Variants in TCP1 observed in about 807,000 individuals in gnomAD.
The protein encoded by TCP1 is t-complex 1.
A neutral mutation model predicts 54.7 loss-of-function variants in TCP1; 6 were observed. That is an observed-to-expected ratio of 0.11 (90% CI 0.06 to 0.22). The LOEUF (loss-of-function observed/expected upper bound fraction) is 0.22, where lower values mean the gene tolerates loss of function less well. Ranked by LOEUF, TCP1 falls within the 10% of genes least tolerant of loss-of-function variation. TCP1 has a pLI of 1.00. For synonymous variants in TCP1, 225 were observed against 229.7 expected (o/e 0.98, Z 0.19); for missense variants, 511 against 678.2 (o/e 0.75, Z 2.74).
Position 159,778,992 on chromosome 6 carries a change from C to T in TCP1, c.*53G>A. Reference sequence around the variant, plus strand: ...TTACTTTAATGTGTAATACTCAACTCAAGGTACAAGACAATTGCATTTAAC... The same window carrying T: ...TTACTTTAATGTGTAATACTCAACTTAAGGTACAAGACAATTGCATTTAAC... On this transcript the variant is annotated 3_prime_UTR_variant, in exon 12 of 12. Coordinates refer to ENST00000321394, the MANE Select transcript of TCP1 (RefSeq NM_030752.3). The T allele has an allele frequency of 6.3e-7, 1 of 1,580,366 alleles. No individual in the cohort carries two copies. Among genetic ancestry groups the T allele is most frequent in the Admixed American group, 1.7e-5 (1 of 58,072 alleles).
In TCP1 at chr6:159,778,737, C is replaced by A. The variant is rs1443446432; in HGVS notation, c.*308G>T. On this transcript the variant is annotated 3_prime_UTR_variant, in exon 12 of 12. Coordinates refer to ENST00000321394, the MANE Select transcript of TCP1 (RefSeq NM_030752.3). ...CTGTCGAATTCTTGTGACCCTGTTACACACACTGGAGAGAATGGGCAGAAG... is the reference window on the plus strand; with the variant it reads ...CTGTCGAATTCTTGTGACCCTGTTAAACACACTGGAGAGAATGGGCAGAAG... 2.5e-6 allele frequency: 4 copies of A among 1,614,230 alleles called. No homozygotes were observed. The highest frequency in any genetic ancestry group is 3.4e-6 in the Non-Finnish European group (4 of 1,180,038).
At chr6:159,783,835 C>T (rs1780631654) in intron 7 of TCP1, 106 bp downstream of exon 7, 2 of 1,441,352 alleles carry the variant, frequency 1.4e-6, no homozygotes, top group Non-Finnish European at 1.8e-6. Context: ...CTAAAAACAC[C>T]ACCAGGCTAA....
intron 1 of TCP1, 93 bp from the exon 2 acceptor site, chr6:159,788,236 C>T (rs1283826085): frequency 4.3e-6 from 5 of 1,169,502 alleles, no homozygotes; most frequent in African/African-American, 1.5e-5. Flanking sequence ...TGACATCCAA[C>T]AGCCCCCGTA....
Position 159,787,473 on chromosome 6 carries a change from G to A in TCP1, c.279+270C>T, listed in dbSNP as rs564622982. Among the ~76,000 whole-genome samples, 19 of 152,294 alleles carry A rather than the reference G, an allele frequency of 1.2e-4. 1 individual carries two copies. The South Asian group carries it at 3.7e-3, about 30-fold the overall frequency. ...CCAACATTTAAAACAATGGGGCTAT[G>A]TCAAATGAACTCAAATTCTTTCCTA... On this transcript the variant is annotated intron_variant, in intron 3 of 11. Coordinates refer to ENST00000321394, the MANE Select transcript of TCP1 (RefSeq NM_030752.3).
chr6:159,785,160 ACTG>A (rs528703752), intron 5 of TCP1: 138 of 604,004 alleles, frequency 2.3e-4, no homozygotes, highest in Admixed American at 3.1e-4. Context: ...CAAAATTGAT[ACTG>A]CTGCTACTAC....
intron 3 of TCP1, among the ~76,000 whole-genome samples, 180 bp downstream of exon 3, chr6:159,787,563 G>A (rs528635300): frequency 1.4e-3 from 208 of 151,934 alleles, no homozygotes; most frequent in Admixed American, 2.4e-3. Flanking sequence ...CTGTACCTAA[G>A]AAGCTTATTT....
intron 3 of TCP1, among the ~76,000 whole-genome samples, chr6:159,787,452 C>G (rs1479936688): frequency 6.6e-6 from 1 of 152,130 alleles, no homozygotes; most frequent in Non-Finnish European, 1.5e-5. Context: ...TGAATACCAA[C>G]ATTTAAAACA....
At chr6:159,787,983 C>T in intron 2 of TCP1, 75 bp downstream of exon 2, 1 of 1,607,032 alleles carries the variant, frequency 6.2e-7, no homozygotes. Context: ...CTGATAAAGT[C>T]AAAGAAAGAA....
Position 159,778,685 on chromosome 6 carries a change from C to G in TCP1, c.*360G>C, listed in dbSNP as rs1447455087. ...TCAATATTGAAGGAGGGGCTATAGC[C>G]TTGGGCCACCCTCTTGGAGCATCTG... On this transcript the variant is annotated 3_prime_UTR_variant, in exon 12 of 12. Coordinates refer to ENST00000321394, the MANE Select transcript of TCP1 (RefSeq NM_030752.3). 1 of 1,614,058 alleles carries G rather than the reference C, an allele frequency of 6.2e-7. No homozygotes were observed. The highest frequency in any genetic ancestry group is 1.3e-5 in the African/African-American group (1 of 74,924).
intron 7 of TCP1, among the ~76,000 whole-genome samples, chr6:159,783,114 A>G (rs1780614199): frequency 2.0e-5 from 3 of 152,238 alleles, no homozygotes; most frequent in African/African-American, 4.8e-5. Flanking sequence ...TTGAAGGACA[A>G]AAGAGCCACA....
chr6:159,780,310 C>T (rs1780543388), intron 9 of TCP1, 133 bp downstream of exon 9: 3 of 1,398,852 alleles, frequency 2.1e-6, no homozygotes, highest in Non-Finnish European at 3.0e-6. Context: ...TACAGTGGCC[C>T]AATGTTATTT....
At chr6:159,786,454 G>GT (rs761393331) in intron 3 of TCP1, among the ~76,000 whole-genome samples, 14 of 152,116 alleles carry the variant, frequency 9.2e-5, no homozygotes, top group Non-Finnish European at 1.6e-4. Flanking sequence ...CAATACAACC[G>GT]TAAAAGACAA....
Position 159,784,810 on chromosome 6 carries a change from C to T in TCP1, c.526G>A (p.Val176Ile). The T allele has an allele frequency of 6.2e-7, 1 of 1,614,132 alleles. No homozygotes were observed. The highest frequency in any genetic ancestry group is 8.5e-7 in the Non-Finnish European group (1 of 1,180,026). ...ATGTCTGTGTATTTAATAGCAAGTA[C>T]AGCATCTACTACCATGTTAGCAAAG... ...DFFANMVVDA[V>I]LAIKYTDIRG... The change falls in exon 6 of 12, where the codon GTA (valine) becomes ATA (isoleucine). Residue 176 changes from valine (V) to isoleucine (I), a missense_variant. By Grantham distance (29) the Val-to-Ile change is conservative (BLOSUM62 3). Around this residue, in one of 5 missense-constraint regions of TCP1, gnomAD observed 305 missense variants for 352.8 expected, o/e 0.86. Transcript: ENST00000321394.
intron 3 of TCP1, among the ~76,000 whole-genome samples, chr6:159,787,390 T>C (rs529045807): frequency 1.3e-5 from 2 of 152,304 alleles, no homozygotes; most frequent in South Asian, 2.1e-4. Flanking sequence ...TAAAAAAATC[T>C]GTGTGATGTC....
chr6:159,787,001 C>T (rs1339514259), intron 3 of TCP1, among the ~76,000 whole-genome samples: 3 of 149,808 alleles, frequency 2.0e-5, no homozygotes, highest in Non-Finnish European at 2.9e-5. Flanking sequence ...CCCAGCACTA[C>T]AGAGGCCGAG....
Position 159,784,864 on chromosome 6 carries a change from G to A in TCP1, c.489-17C>T, listed in dbSNP as rs373134892. 20 of 1,613,858 alleles carry A rather than the reference G, an allele frequency of 1.2e-5. No homozygotes were observed. Among genetic ancestry groups the A allele is most frequent in the South Asian group, 4.4e-5 (4 of 91,068 alleles). Reference sequence around the variant, plus strand: ...TCACCATTTCTACGCCAAAAGTTAAGGACAGTAACAGGTTTGGAATGGACA... The same window carrying A: ...TCACCATTTCTACGCCAAAAGTTAAAGACAGTAACAGGTTTGGAATGGACA... On this transcript the variant is annotated splice_polypyrimidine_tract_variant and intron_variant, in intron 5 of 11. Transcript: ENST00000321394.
intron 11 of TCP1, 147 bp downstream of exon 11, chr6:159,779,480 C>G: frequency 8.5e-7 from 1 of 1,176,582 alleles, no homozygotes; most frequent in Non-Finnish European, 1.2e-6. Flanking sequence ...ATTACAGTGA[C>G]TGAACAACAA....
At chr6:159,785,225 G>A in intron 5 of TCP1, 161 bp downstream of exon 5, 1 of 639,622 alleles carries the variant, frequency 1.6e-6, no homozygotes, top group East Asian at 2.7e-5. Context: ...CCGAGACAGG[G>A]TCTTGCTATG....
chr6:159,782,499 AAATTT>A (rs1780600038), intron 7 of TCP1, among the ~76,000 whole-genome samples: 1 of 152,200 alleles, frequency 6.6e-6, no homozygotes, highest in South Asian at 2.1e-4. Context: ...AAAAGTAGGT[AAATTT>A]AATTTGGAGG....
Sources: gnomAD v4.1 joint callset for allele counts (sites outside exome capture counted in the v4.1 genomes callset) on GRCh38, gnomAD v4.1.1 for gene constraint, gnomAD v4.1.1 regional missense constraint, MANE v1.5 for transcripts, NCBI Gene and HGNC (gene_info 2026-07-23, HGNC 2026-07-21) for gene names.